Variants in GPAM observed in about 807,000 individuals in gnomAD.
GPAM encodes glycerol-3-phosphate acyltransferase 1, mitochondrial.
In GPAM, 56 loss-of-function variants were observed where a neutral mutation model predicts 105.0. The ratio of observed to expected loss-of-function variants is 0.53; its 90% confidence interval spans 0.43 to 0.67. The LOEUF (loss-of-function observed/expected upper bound fraction) is 0.67, where lower values mean the gene tolerates loss of function less well. Among genes scored for constraint, GPAM ranks in the 30% least tolerant of loss-of-function variants. The pLI is 0.00. For missense variants in GPAM, 855 were observed against 989.8 expected, an observed-to-expected ratio of 0.86 and a Z score of 1.83; for synonymous variants, 368 against 354.4, an observed-to-expected ratio of 1.04 and a Z score of -0.43.
At chr10:112,162,670 T>C (rs1847143208) in intron 14 of GPAM, among the ~76,000 whole-genome samples, 1 of 152,154 alleles carries the variant, frequency 6.6e-6, no homozygotes, top group African/African-American at 2.4e-5. Context: ...CTATTAAAAA[T>C]ATTTATAAAG....
intron 20 of GPAM, 87 bp from the exon 21 acceptor site, chr10:112,154,774 G>C: frequency 9.4e-7 from 1 of 1,068,732 alleles, no homozygotes; most frequent in Non-Finnish European, 1.4e-6. Context: ...AGTATGGGGA[G>C]CTAGGAAGAG....
At chr10:112,211,660 C>T (rs912114667) in intron 1 of GPAM, among the ~76,000 whole-genome samples, 4 of 152,326 alleles carry the variant, frequency 2.6e-5, no homozygotes, top group African/African-American at 9.6e-5. Flanking sequence ...CTTTCTCAGC[C>T]TCATTCTCTA....
rs1589574238 is a variant in GPAM at position 112,153,002 on chromosome 10, C to T, written c.*548G>A. The T allele has an allele frequency of 2.9e-6, 1 of 343,106 alleles. No individual in the cohort carries two copies. Among genetic ancestry groups the T allele is most frequent in the East Asian group, 1.5e-4 (1 of 6,754 alleles). 21.3% of individuals were successfully genotyped at this position (343,106 alleles called of 1,614,324 possible). A position where few individuals can be genotyped will look rare whatever the true frequency, so the allele number is the denominator to read the frequency against. ...ATACCTGGGTGTGATATATATCAGT[C>T]CACTCAATTTATAAAGCACTTTGGG... On this transcript the variant is annotated 3_prime_UTR_variant, in exon 22 of 22. Transcript: ENST00000348367.
rs1197898304 is a variant in GPAM, at chr10:112,151,070, C to T, written c.*2480G>A. 1 of 984,658 alleles carries T rather than the reference C, an allele frequency of 1.0e-6. No individual in the cohort carries two copies. The highest frequency in any genetic ancestry group is 1.8e-5 in the African/African-American group (1 of 57,132). 61.0% of individuals were successfully genotyped at this position (984,658 alleles called of 1,614,324 possible). ...TCTCTTCTGAATCACTTAGGACATT[C>T]TCATTTTCAAAAACAGACTGCAGTT... On this transcript the variant is annotated 3_prime_UTR_variant, in exon 22 of 22. Transcript: ENST00000348367.
At chr10:112,159,155 T>A (rs1422678290) in intron 17 of GPAM, among the ~76,000 whole-genome samples, 1 of 151,982 alleles carries the variant, frequency 6.6e-6, no homozygotes, top group Non-Finnish European at 1.5e-5. Context: ...AAATGCTCAT[T>A]AGTACTGCTG....
chr10:112,206,939 A>G (rs1432545350), intron 1 of GPAM, among the ~76,000 whole-genome samples: 1 of 152,174 alleles, frequency 6.6e-6, no homozygotes, highest in South Asian at 2.1e-4. Context: ...ATTTCCATGA[A>G]GTAGATGCCC....
upstream of GPAM, among the ~76,000 whole-genome samples, chr10:112,185,869 A>G (rs1201914247): frequency 6.6e-6 from 1 of 152,192 alleles, no homozygotes; most frequent in African/African-American, 2.4e-5. Flanking sequence ...TGAAAGTAAA[A>G]GTAGAGTATC....
intron 8 of GPAM, 52 bp downstream of exon 8, chr10:112,172,918 C>A: frequency 1.0e-6 from 1 of 959,736 alleles, no homozygotes; most frequent in Non-Finnish European, 1.7e-6. Context: ...AACCCTAAAA[C>A]CACTCTACAA....
intron 4 of GPAM, among the ~76,000 whole-genome samples, chr10:112,178,644 C>T (rs1316002437): frequency 6.6e-6 from 1 of 152,150 alleles, no homozygotes; most frequent in Non-Finnish European, 1.5e-5. Flanking sequence ...TCCTCATCTC[C>T]ACCCTGAAAG....
rs189696984 is a variant in GPAM, at chr10:112,168,613, G to A, written c.895-89C>T. The stretch of plus-strand genomic sequence containing the variant: ...AAATTAAATCTTTAAAAGCAAAACA[G>A]AAAAAACGATAACTTCACTACTGAC... On this transcript the variant is annotated intron_variant, in intron 10 of 21. Coordinates refer to ENST00000348367, the MANE Select transcript of GPAM (RefSeq NM_001244949.2). 1.4e-3 allele frequency: 1,269 copies of A among 906,716 alleles called. 5 individuals carry two copies. Among genetic ancestry groups the A allele is most frequent in the South Asian group, 5.8e-3 (419 of 72,682 alleles). The allele number at this position is 906,716 out of a possible 1,614,324, so 56.2% of individuals were successfully genotyped here.
chr10:112,183,478 C>A (rs1847545173), intron 1 of GPAM, among the ~76,000 whole-genome samples: 1 of 152,236 alleles, frequency 6.6e-6, no homozygotes. Context: ...AACCCATGCC[C>A]CAGCGCAGTC....
chr10:112,151,863 C>G lies in GPAM; in HGVS notation c.*1687G>C. The stretch of plus-strand genomic sequence containing the variant: ...CTACCCTAGTCAGTAAAATGGAATG[C>G]TAAAACATGATATCTCATTCAACAT... On this transcript the variant is annotated 3_prime_UTR_variant, in exon 22 of 22. Coordinates refer to ENST00000348367, the MANE Select transcript of GPAM (RefSeq NM_001244949.2). The G allele has an allele frequency of 1.0e-6, 1 of 984,734 alleles. No homozygotes were observed. The highest frequency in any genetic ancestry group is 5.2e-4 in the Middle Eastern group (1 of 1,910). 61.0% of individuals were successfully genotyped at this position (984,734 alleles called of 1,614,324 possible).
At chr10:112,159,201 T>A (rs887704268) in intron 17 of GPAM, among the ~76,000 whole-genome samples, 3 of 150,668 alleles carry the variant, frequency 2.0e-5, no homozygotes, top group Non-Finnish European at 4.4e-5. Flanking sequence ...TGAGAGGTGT[T>A]GAGCAGATGA....
chr10:112,181,939 C>T, intron 2 of GPAM, 126 bp from the exon 3 acceptor site: 1 of 635,220 alleles, frequency 1.6e-6, no homozygotes, highest in Admixed American at 2.2e-5. Flanking sequence ...AGACTTCTAC[C>T]ATGTTGAGTC....
chr10:112,218,629 C>T (rs1847993152), upstream of GPAM, among the ~76,000 whole-genome samples: 2 of 152,194 alleles, frequency 1.3e-5, no homozygotes, highest in Admixed American at 1.3e-4. Flanking sequence ...AAATGAACAG[C>T]TACTCCATAG....
In GPAM at chr10:112,152,802, A is replaced by G. The variant is rs1846943818; in HGVS notation, c.*748T>C. On this transcript the variant is annotated 3_prime_UTR_variant, in exon 22 of 22. Coordinates refer to ENST00000348367, the MANE Select transcript of GPAM (RefSeq NM_001244949.2). ...AATGGCACTTGTTTATATGAGCAAAAGCCTTCAACACCAGTTTTCTGGCCA... is the reference window on the plus strand; with the variant it reads ...AATGGCACTTGTTTATATGAGCAAAGGCCTTCAACACCAGTTTTCTGGCCA... The G allele has an allele frequency of 1.8e-6, 1 of 545,058 alleles. No individual in the cohort carries two copies. The highest frequency in any genetic ancestry group is 2.3e-6 in the Non-Finnish European group (1 of 427,774). The allele number at this position is 545,058 out of a possible 1,614,324, so 33.8% of individuals were successfully genotyped here. A position where few individuals can be genotyped will look rare whatever the true frequency, so the allele number is the denominator to read the frequency against.
At chr10:112,187,209 A>T (rs1847606149), upstream of GPAM, among the ~76,000 whole-genome samples, 1 of 152,204 alleles carries the variant, frequency 6.6e-6, no homozygotes, top group Non-Finnish European at 1.5e-5. Flanking sequence ...GAATAAAGAG[A>T]AAATACATGG....
upstream of GPAM, among the ~76,000 whole-genome samples, chr10:112,185,595 C>T (rs1005887472): frequency 6.2e-5 from 9 of 145,738 alleles, no homozygotes; most frequent in South Asian, 1.3e-3. Context: ...CACACACACA[C>T]ACACACACAC....
At chr10:112,157,943 TG>T (rs1847046716) in intron 18 of GPAM, among the ~76,000 whole-genome samples, 1 of 152,232 alleles carries the variant, frequency 6.6e-6, no homozygotes, top group Non-Finnish European at 1.5e-5. Context: ...ATTATTGGTT[TG>T]TTTACTTATT....
Sources: allele counts gnomAD v4.1 joint callset (sites outside exome capture counted in the v4.1 genomes callset), GRCh38; gene constraint gnomAD v4.1.1; transcripts MANE v1.5; gene names NCBI Gene and HGNC (gene_info 2026-07-23, HGNC 2026-07-21).